The following SRPK2 variants were observed in gnomAD, a reference collection of about 807,000 sequenced individuals.
SRPK2 encodes SRSF protein kinase 2.
SRPK2 carries 21 observed loss-of-function variants against 90.8 expected under a neutral mutation model. The ratio of observed to expected loss-of-function variants is 0.23; its 90% CI spans 0.16 to 0.33. The LOEUF (loss-of-function observed/expected upper bound fraction) is 0.33, where lower values mean the gene tolerates loss of function less well. Among genes scored for constraint, SRPK2 ranks in the 10% least tolerant of loss-of-function variants. The probability of loss-of-function intolerance (pLI) is 1.00; values close to 1 mark genes in which losing one functional copy is unlikely to be tolerated. For missense variants in SRPK2, 620 were observed against 869.0 expected (o/e 0.71, Z 3.60); for synonymous variants, 288 against 311.1 (o/e 0.93, Z 0.78).
intron 2 of SRPK2, among the ~76,000 whole-genome samples, chr7:105,384,148 G>A (rs12533348): frequency 0.41 from 62,957 of 151,986 alleles, 15,269 homozygotes; most frequent in Non-Finnish European, 0.54. Flanking sequence ...AAAAATAAAT[G>A]AAAGAGATAT....
intron 2 of SRPK2, among the ~76,000 whole-genome samples, chr7:105,316,090 T>A (rs1198449185): frequency 1.3e-5 from 2 of 149,824 alleles, no homozygotes; most frequent in Admixed American, 6.8e-5. Context: ...AATGGCGCGA[T>A]CTCGGCTCAC....
chr7:105,179,474 T>G (rs987433990), intron 3 of SRPK2, among the ~76,000 whole-genome samples: 1 of 152,186 alleles, frequency 6.6e-6, no homozygotes, highest in African/African-American at 2.4e-5. Flanking sequence ...TCCGATTCAC[T>G]ACAGTAGCCC....
In SRPK2 at chr7:105,293,244, T is replaced by C. The variant is rs528662122; in HGVS notation, c.72-89459A>G. 2.6e-5 allele frequency among the ~76,000 whole-genome samples: 4 copies of C among 151,138 alleles called. No homozygotes were observed. In the East Asian group the frequency reaches 7.8e-4, roughly 30 times the overall value. ...ACCAGGGAGGTGGAGGTTGTAGTGA[T>C]CGCACCACTGCATGAGTGAAACTCC... On this transcript the variant is annotated intron_variant, in intron 2 of 15. Transcript: ENST00000393651.
chr7:105,314,037 T>C (rs1249828152), intron 2 of SRPK2, among the ~76,000 whole-genome samples: 1 of 152,128 alleles, frequency 6.6e-6, no homozygotes, highest in African/African-American at 2.4e-5. Flanking sequence ...ATAACATGTA[T>C]TATGAACATA....
At chr7:105,247,302 A>G (rs1204264622) in intron 2 of SRPK2, among the ~76,000 whole-genome samples, 2 of 152,200 alleles carry the variant, frequency 1.3e-5, no homozygotes, top group Non-Finnish European at 2.9e-5. Context: ...GTTATCTCAC[A>G]GCCTCACTTT....
intron 2 of SRPK2, among the ~76,000 whole-genome samples, chr7:105,374,805 C>G (rs888792500): frequency 6.6e-6 from 1 of 152,104 alleles, no homozygotes; most frequent in African/African-American, 2.4e-5. Flanking sequence ...GACAGGGTTG[C>G]ACCATATTGG....
At chr7:105,126,695 G>C (rs1801263554) in intron 14 of SRPK2, among the ~76,000 whole-genome samples, 1 of 152,220 alleles carries the variant, frequency 6.6e-6, no homozygotes, top group African/African-American at 2.4e-5. Flanking sequence ...ACCACATAGA[G>C]GCTTCAGGTC....
chr7:105,148,621 T>A (rs1368505927), intron 7 of SRPK2, among the ~76,000 whole-genome samples: 1 of 152,374 alleles, frequency 6.6e-6, no homozygotes, highest in Admixed American at 6.5e-5. Flanking sequence ...GGAAGTGTTA[T>A]ATGTTTCACA....
chr7:105,363,485 C>T (rs1363259016), intron 2 of SRPK2, among the ~76,000 whole-genome samples: 1 of 152,184 alleles, frequency 6.6e-6, no homozygotes, highest in Non-Finnish European at 1.5e-5. Context: ...GAGATACCAT[C>T]TCACACCAAT....
intron 2 of SRPK2, among the ~76,000 whole-genome samples, chr7:105,220,797 T>C (rs1449726051): frequency 6.6e-6 from 1 of 152,178 alleles, no homozygotes; most frequent in Non-Finnish European, 1.5e-5. Context: ...CCTGATTTGA[T>C]GTCATCCCAG....
intron 3 of SRPK2, among the ~76,000 whole-genome samples, chr7:105,192,145 G>A (rs556717269): frequency 6.6e-6 from 1 of 151,298 alleles, no homozygotes; most frequent in South Asian, 2.1e-4. Flanking sequence ...TGAGATTTTG[G>A]TGCACCCATC....
intron 2 of SRPK2, among the ~76,000 whole-genome samples, chr7:105,218,155 G>A (rs1488143006): frequency 6.6e-6 from 1 of 152,218 alleles, no homozygotes; most frequent in Non-Finnish European, 1.5e-5. Flanking sequence ...GTACCCAAAG[G>A]AGAATATTGG....
rs192564693 is a variant in SRPK2 at position 105,385,550 on chromosome 7, A to G, written c.71+3098T>C. 1.8e-3 allele frequency among the ~76,000 whole-genome samples: 279 copies of G among 152,206 alleles called. 3 individuals carry two copies. Among genetic ancestry groups the G allele is most frequent in the African/African-American group, 6.5e-3 (269 of 41,550 alleles). On this transcript the variant is annotated intron_variant, in intron 2 of 15. Coordinates refer to ENST00000393651, the MANE Select transcript of SRPK2 (RefSeq NM_182692.3). ...AGCCTCCAATGGCCTACGAGGGTAGACACGCTCTGACTCCTGCCTCCCATC... is the reference window on the plus strand; with the variant it reads ...AGCCTCCAATGGCCTACGAGGGTAGGCACGCTCTGACTCCTGCCTCCCATC...
chr7:105,398,883 T>G (rs1228377726), intron 1 of SRPK2, among the ~76,000 whole-genome samples: 1 of 152,180 alleles, frequency 6.6e-6, no homozygotes, highest in African/African-American at 2.4e-5. Context: ...ATCTGCAAAA[T>G]GTAGATAGTA....
intron 2 of SRPK2, among the ~76,000 whole-genome samples, chr7:105,334,835 A>G (rs1262240051): frequency 7.9e-6 from 1 of 126,126 alleles, no homozygotes; most frequent in Non-Finnish European, 1.6e-5. Context: ...GATACAGACC[A>G]AAAAAAAAAA....
intron 6 of SRPK2, among the ~76,000 whole-genome samples, chr7:105,163,701 C>T (rs746763511): frequency 3.9e-5 from 6 of 152,172 alleles, no homozygotes; most frequent in Non-Finnish European, 7.3e-5. Flanking sequence ...ATCCCAGCTA[C>T]TCAGGAGGCT....
At chr7:105,185,216 C>G (rs1793420896) in intron 3 of SRPK2, among the ~76,000 whole-genome samples, 1 of 151,412 alleles carries the variant, frequency 6.6e-6, no homozygotes, top group Non-Finnish European at 1.5e-5. Flanking sequence ...TCAGAATCCA[C>G]TTAAGACATG....
intron 2 of SRPK2, among the ~76,000 whole-genome samples, chr7:105,287,070 G>A (rs1808206609): frequency 6.6e-6 from 1 of 150,936 alleles, no homozygotes; most frequent in South Asian, 2.1e-4. Context: ...GACCATCCCG[G>A]CTAAAACGGT....
intron 2 of SRPK2, among the ~76,000 whole-genome samples, chr7:105,294,173 A>G (rs952103215): frequency 6.6e-6 from 1 of 152,242 alleles, no homozygotes; most frequent in Non-Finnish European, 1.5e-5. Context: ...CAATCCCCAA[A>G]GTTCAATGAA....
Sources: gnomAD v4.1 joint callset for allele counts (sites outside exome capture counted in the v4.1 genomes callset) on GRCh38, gnomAD v4.1.1 for gene constraint, MANE v1.5 for transcripts, NCBI Gene and HGNC (gene_info 2026-07-23, HGNC 2026-07-21) for gene names.